Variants in ZNF609 observed in about 807,000 individuals in gnomAD.
ZNF609 encodes the protein zinc finger protein 609.
ZNF609 carries 11 observed loss-of-function variants against 109.5 expected under a neutral mutation model. The ratio of observed to expected loss-of-function variants is 0.10; its 90% CI spans 0.06 to 0.17. ZNF609 has a LOEUF of 0.17. ZNF609 is among the 10% of genes least tolerant of loss of function. The probability of loss-of-function intolerance (pLI) is 1.00; values close to 1 mark genes in which losing one functional copy is unlikely to be tolerated. For missense variants in ZNF609, 1,559 were observed against 1,772.4 expected (o/e 0.88, Z 2.16); for synonymous variants, 646 against 662.0 (o/e 0.98, Z 0.37).
At chr15:64,465,142 T>C (rs1204902671) in intron 1 of ZNF609, among the ~76,000 whole-genome samples, 1 of 152,140 alleles carries the variant, frequency 6.6e-6, no homozygotes, top group Non-Finnish European at 1.5e-5. Context: ...CTAGTACTTG[T>C]TTATTAAAGG....
At chr15:64,563,772 CTCAAA>C (rs1333769404) in intron 2 of ZNF609, among the ~76,000 whole-genome samples, 3 of 148,684 alleles carry the variant, frequency 2.0e-5, no homozygotes, top group South Asian at 4.2e-4. Context: ...GAAACTCTGT[CTCAAA>C]ACAAAACAAA....
intron 3 of ZNF609, chr15:64,652,861 A>G (rs1027262787): frequency 1.3e-5 from 2 of 152,958 alleles, no homozygotes. Flanking sequence ...TCATTATGCC[A>G]TATTACCTAA....
chr15:64,656,700 C>T (rs1052646738), intron 3 of ZNF609, among the ~76,000 whole-genome samples: 1 of 151,100 alleles, frequency 6.6e-6, no homozygotes, highest in East Asian at 1.9e-4. Context: ...TTTTCTTCCT[C>T]CCTTCCTCCC....
At chr15:64,592,119 T>G (rs1039635349) in intron 2 of ZNF609, among the ~76,000 whole-genome samples, 5 of 151,022 alleles carry the variant, frequency 3.3e-5, no homozygotes, top group Non-Finnish European at 5.9e-5. Flanking sequence ...GAGCCATGAT[T>G]ACATCACTGC....
chr15:64,509,898 C>G (rs1383467300), intron 2 of ZNF609, among the ~76,000 whole-genome samples: 4 of 152,194 alleles, frequency 2.6e-5, no homozygotes. Flanking sequence ...GTAGCCAGAA[C>G]AGTCAAGAGA....
intron 4 of ZNF609, 64 bp from the exon 5 acceptor site, chr15:64,673,852 C>T: frequency 6.5e-7 from 1 of 1,532,330 alleles, no homozygotes; most frequent in Non-Finnish European, 8.8e-7. Context: ...GAGGCTACAG[C>T]TAAACTGCTT....
At chr15:64,478,284 T>A (rs776881030) in intron 1 of ZNF609, among the ~76,000 whole-genome samples, 17 of 151,576 alleles carry the variant, frequency 1.1e-4, no homozygotes, top group Non-Finnish European at 2.2e-4. Context: ...TGCCATGGCC[T>A]CAAACTCATA....
chr15:64,460,520 C>A (rs1012558045), upstream of ZNF609, among the ~76,000 whole-genome samples: 2 of 152,136 alleles, frequency 1.3e-5, no homozygotes, highest in African/African-American at 4.8e-5. Context: ...TCCACACAAG[C>A]GCGGAATCCG....
intron 4 of ZNF609, 135 bp from the exon 5 acceptor site, chr15:64,673,781 C>A: frequency 9.7e-7 from 1 of 1,029,372 alleles, no homozygotes; most frequent in Non-Finnish European, 1.4e-6. Context: ...AATTCACAAT[C>A]AGAATTTCTT....
chr15:64,487,999 A>G (rs548212340), intron 1 of ZNF609, among the ~76,000 whole-genome samples: 2 of 152,312 alleles, frequency 1.3e-5, no homozygotes, highest in South Asian at 2.1e-4. Flanking sequence ...TACATTTATT[A>G]TACATTTAAA....
chr15:64,559,885 G>T (rs1318439501), intron 2 of ZNF609, among the ~76,000 whole-genome samples: 1 of 152,116 alleles, frequency 6.6e-6, no homozygotes, highest in Non-Finnish European at 1.5e-5. Context: ...AGTATCCGTA[G>T]CAATAATAGT....
At chr15:64,554,833 ACAC>A (rs1189026619) in intron 2 of ZNF609, among the ~76,000 whole-genome samples, 1 of 151,966 alleles carries the variant, frequency 6.6e-6, no homozygotes, top group African/African-American at 2.4e-5. Context: ...GTGGTGGCTC[ACAC>A]CTGTAATCCC....
chr15:64,499,822 G>A lies in ZNF609; in HGVS notation c.403G>A (p.Val135Ile). ...SGDGANAGGLVAAIAPKGSEK... is the reference protein window; with the variant it reads ...SGDGANAGGLIAAIAPKGSEK... ...AGATGGTGCCAATGCTGGAGGCCTG[G>A]TTGCTGCTATTGCTCCCAAGGGCTC... Residue 135 changes from valine (V) to isoleucine (I), a missense_variant, in exon 2 of 10, where the codon GTT (valine) becomes ATT (isoleucine). Transcript: ENST00000326648. 9 of 1,614,110 alleles carry A rather than the reference G, an allele frequency of 5.6e-6. No homozygotes were observed. Among genetic ancestry groups the A allele is most frequent in the Non-Finnish European group, 7.6e-6 (9 of 1,180,020 alleles).
At chr15:64,659,767 G>C (rs530097009) in intron 3 of ZNF609, among the ~76,000 whole-genome samples, 1 of 151,828 alleles carries the variant, frequency 6.6e-6, no homozygotes, top group African/African-American at 2.4e-5. Flanking sequence ...CCCAACTTAC[G>C]AATGGTTTGT....
intron 2 of ZNF609, among the ~76,000 whole-genome samples, chr15:64,586,406 C>CTGG (rs1026545901): frequency 1.3e-5 from 2 of 151,822 alleles, no homozygotes; most frequent in Non-Finnish European, 1.5e-5. Flanking sequence ...TAGCTGCAGA[C>CTGG]TGGTACTGGT....
chr15:64,667,076 G>A (rs1896659319), intron 3 of ZNF609, among the ~76,000 whole-genome samples: 2 of 152,140 alleles, frequency 1.3e-5, no homozygotes, highest in African/African-American at 4.8e-5. Context: ...CTTATAGTGA[G>A]CCGAGATTCG....
intron 2 of ZNF609, among the ~76,000 whole-genome samples, chr15:64,509,823 G>T (rs1458351142): frequency 6.6e-6 from 1 of 152,194 alleles, no homozygotes; most frequent in African/African-American, 2.4e-5. Flanking sequence ...CATACAGGAA[G>T]TTTCTTTCCT....
chr15:64,484,345 T>A (rs1397775891), intron 1 of ZNF609, among the ~76,000 whole-genome samples: 2 of 152,162 alleles, frequency 1.3e-5, no homozygotes, highest in African/African-American at 4.8e-5. Flanking sequence ...TTTCTTAGGA[T>A]GTGTAATTTT....
chr15:64,597,011 G>T (rs1233773749), intron 2 of ZNF609, among the ~76,000 whole-genome samples: 1 of 152,054 alleles, frequency 6.6e-6, no homozygotes, highest in Admixed American at 6.6e-5. Flanking sequence ...GTTGTGCCTT[G>T]TTTTTTCTCT....
Sources: allele counts gnomAD v4.1 joint callset (sites outside exome capture counted in the v4.1 genomes callset), GRCh38; gene constraint gnomAD v4.1.1; transcripts MANE v1.5; gene names NCBI Gene and HGNC (gene_info 2026-07-23, HGNC 2026-07-21).